CYP27B1: variants seen among roughly 807,000 people sequenced by gnomAD.
CYP27B1 encodes cytochrome P450 family 27 subfamily B member 1.
CYP27B1 carries 46 observed loss-of-function variants against 54.8 expected under a neutral mutation model. The ratio of observed to expected loss-of-function variants is 0.84; its 90% CI spans 0.66 to 1.07. The LOEUF is 1.07. Among genes scored for constraint, CYP27B1 ranks in the 50% least tolerant of loss-of-function variants. The pLI is 0.00. For synonymous variants in CYP27B1, 292 were observed against 297.3 expected (o/e 0.98, Z 0.18); for missense variants, 674 against 692.2 (o/e 0.97, Z 0.30).
rs151335249 is a variant in CYP27B1, at chr12:57,764,457, G to A, written c.1057C>T (p.Pro353Ser). 2.5e-6 allele frequency: 4 copies of A among 1,614,220 alleles called. No homozygotes were observed. Among genetic ancestry groups the A allele is most frequent in the Admixed American group, 3.3e-5 (2 of 60,028 alleles). ...LHSEITAALSPGSSAYPSATV... is the reference protein window; with the variant it reads ...LHSEITAALSSGSSAYPSATV... ...GCTGAGGGGTAGGCACTGGAGCCAG[G>A]GCTCAGGGCAGCTGTGATCTCTGAG... The change falls in exon 6 of 9, where the codon CCT (proline) becomes TCT (serine). Residue 353 changes from proline to serine, a missense_variant. By Grantham distance (74) the Pro-to-Ser change is moderately conservative (BLOSUM62 -1). Transcript: ENST00000228606.
intron 5 of CYP27B1, 91 bp from the exon 6 acceptor site, chr12:57,764,641 AAG>A: frequency 6.3e-7 from 1 of 1,590,962 alleles, no homozygotes; most frequent in Non-Finnish European, 8.6e-7. Flanking sequence ...ACAGGGTGCT[AAG>A]CCAAGCTGGT....
intron 5 of CYP27B1, 96 bp from the exon 6 acceptor site, chr12:57,764,646 A>C: frequency 6.3e-7 from 1 of 1,593,366 alleles, no homozygotes; most frequent in Non-Finnish European, 8.6e-7. Flanking sequence ...GTGCTAAGCC[A>C]AGCTGGTCTA....
Position 57,765,692 on chromosome 12 carries a change from G to A in CYP27B1, c.387-193C>T, listed in dbSNP as rs1402046204. 2.3e-6 allele frequency: 2 copies of A among 858,292 alleles called. No homozygotes were observed. Among genetic ancestry groups the A allele is most frequent in the Admixed American group, 2.0e-5 (1 of 49,312 alleles). The allele number at this position is 858,292 out of a possible 1,614,324, so 53.2% of individuals were successfully genotyped here. On this transcript the variant is annotated intron_variant, in intron 2 of 8. Transcript: ENST00000228606. The surrounding 1 kb of genome is among the most constrained non-coding windows in gnomAD (Gnocchi z 5.8). ...TCTTTACTCATTTCCTGCCCTCAGG[G>A]GCCGGGGTTCCCGGGTAACTTGAGT...
Position 57,766,935 on chromosome 12 carries a change from C to T in CYP27B1, c.107G>A (p.Ser36Asn). 1 of 1,614,224 alleles carries T rather than the reference C, an allele frequency of 6.2e-7. No homozygotes were observed. Among genetic ancestry groups the T allele is most frequent in the Non-Finnish European group, 8.5e-7 (1 of 1,180,040 alleles). Residue 36 changes from serine to asparagine, a missense_variant, in exon 1 of 9, where the codon AGC (serine) becomes AAC (asparagine). Coordinates refer to ENST00000228606, the MANE Select transcript of CYP27B1 (RefSeq NM_000785.4). ...AGAGGGGCCTGGGATGTCTGCCAAG[C>T]TCCGGCGTGCTGAGTGGTACTCTCG... ...GYREYHSARRSLADIPGPSTP... is the reference protein window; with the variant it reads ...GYREYHSARRNLADIPGPSTP...
Position 57,764,539 on chromosome 12 carries a change from C to T in CYP27B1, c.975G>A (p.Thr325=), listed in dbSNP as rs2140396610. 1.2e-6 allele frequency: 2 copies of T among 1,614,030 alleles called. No homozygotes were observed. The highest frequency in any genetic ancestry group is 1.7e-6 in the Non-Finnish European group (2 of 1,180,024). ...LLAGVDTVSN[T]LSWALYELSR... ...AGAGCTCATACAGAGCCCAAGAGAG[C>T]GTGTTGGACACCTGAAAAACATGTG... Residue 325 remains threonine (T), a synonymous_variant, in exon 6 of 9, where the codon ACG becomes ACA. Transcript: ENST00000228606.
Position 57,763,111 on chromosome 12 carries a change from A to T in CYP27B1, c.*31T>A. 1 of 1,466,554 alleles carries T rather than the reference A, an allele frequency of 6.8e-7. No individual in the cohort carries two copies. Among genetic ancestry groups the T allele is most frequent in the South Asian group, 1.1e-5 (1 of 87,608 alleles). The allele number at this position is 1,466,554 out of a possible 1,614,324, so 90.8% of individuals were successfully genotyped here. A position where few individuals can be genotyped will look rare whatever the true frequency, so the allele number is the denominator to read the frequency against. ...AAATCTTATCCCTATGATGAATGAA[A>T]GGGTGATGATGACAGTCTCTTTCCA... On this transcript the variant is annotated 3_prime_UTR_variant, in exon 9 of 9. Coordinates refer to ENST00000228606, the MANE Select transcript of CYP27B1 (RefSeq NM_000785.4).
intron 8 of CYP27B1, 115 bp from the exon 9 acceptor site, chr12:57,763,370 G>A (rs1955333650): frequency 2.2e-6 from 2 of 902,984 alleles, no homozygotes; most frequent in South Asian, 2.8e-5. Context: ...TCAATGATTG[G>A]GTGGCACCTG....
Position 57,764,694 on chromosome 12 carries a change from G to T in CYP27B1, c.963+60C>A, listed in dbSNP as rs187486670. ...GGATCCCCTGCAACAGAAAAATGGA[G>T]CCGGAGTCTGCGGAGGCTAAGCCCT... On this transcript the variant is annotated intron_variant, in intron 5 of 8. Transcript: ENST00000228606. 4 of 1,608,992 alleles carry T rather than the reference G, an allele frequency of 2.5e-6. No homozygotes were observed. The East Asian group carries it at 6.7e-5, about 27-fold the overall frequency.
At chr12:57,763,291 A>T in intron 8 of CYP27B1, 36 bp from the exon 9 acceptor site, 2 of 1,439,252 alleles carry the variant, frequency 1.4e-6, no homozygotes, top group East Asian at 2.3e-5. Flanking sequence ...ACTATGAAAG[A>T]TATCTATAAT....
intron 6 of CYP27B1, 31 bp from the exon 7 acceptor site, chr12:57,764,207 A>G: frequency 6.3e-7 from 1 of 1,591,158 alleles, no homozygotes; most frequent in Non-Finnish European, 8.6e-7. Context: ...TGGAGACAAC[A>G]AGATGAGGCT....
Position 57,763,151 on chromosome 12 carries a change from C to T in CYP27B1, c.1518G>A (p.Leu506=), listed in dbSNP as rs1013882709. 37 of 1,612,058 alleles carry T rather than the reference C, an allele frequency of 2.3e-5. No individual in the cohort carries two copies. Among genetic ancestry groups the T allele is most frequent in the Non-Finnish European group, 3.1e-5 (37 of 1,178,098 alleles). ...VPERSINLQF[L]DR ...GTCTCTTTCCATGGGACTATCTGTC[C>T]AAAAACTGTAGGTTGATGCTCCTTT... The change falls in exon 9 of 9, where the codon TTG becomes TTA. Residue 506 remains leucine (L), a synonymous_variant. Transcript: ENST00000228606.
intron 1 of CYP27B1, 40 bp from the exon 2 acceptor site, chr12:57,766,237 G>T (rs1037609490): frequency 6.7e-7 from 1 of 1,500,008 alleles, no homozygotes; most frequent in South Asian, 1.3e-5. Flanking sequence ...ATACCTGGGC[G>T]GGGACTTTCA....
At position 57,765,046 on chromosome 12, in the gene CYP27B1, C is replaced by A. The variant is rs1955347358; in HGVS notation, c.755G>T (p.Arg252Leu). 6.2e-7 allele frequency: 1 copy of A among 1,613,652 alleles called. No homozygotes were observed. Among genetic ancestry groups the A allele is most frequent in the African/African-American group, 1.3e-5 (1 of 74,954 alleles). Residue 252 changes from arginine (R) to leucine (L), a missense_variant, in exon 4 of 9, where the codon CGC (arginine) becomes CTC (leucine). By Grantham distance (102) the Arg-to-Leu change is moderately radical (BLOSUM62 -2). Coordinates refer to ENST00000228606, the MANE Select transcript of CYP27B1 (RefSeq NM_000785.4). This position sits in a 1 kb window ranked among gnomAD's most constrained non-coding sequence, Gnocchi z 5.8. Reference protein sequence around the residue: ...LRHLVPGPWGRLCRDWDQMFA... With the variant: ...LRHLVPGPWGLLCRDWDQMFA... ...CATCTGGTCCCAGTCTCGGCAGAGG[C>A]GGCCCCAGGGCCCAGGCACAAGGTG...
intron 7 of CYP27B1, 92 bp from the exon 8 acceptor site, chr12:57,763,900 T>C (rs1955337952): frequency 2.3e-6 from 3 of 1,331,188 alleles, no homozygotes; most frequent in Non-Finnish European, 3.2e-6. Flanking sequence ...AGGCAGGTCC[T>C]GGTGGGTGAT....
chr12:57,766,323 A>T lies in CYP27B1; in HGVS notation c.196-126T>A. On this transcript the variant is annotated intron_variant, in intron 1 of 8. Coordinates refer to ENST00000228606, the MANE Select transcript of CYP27B1 (RefSeq NM_000785.4). The stretch of plus-strand genomic sequence containing the variant: ...GCTTCTGCTCTTTCTCGGGTGCCCA[A>T]CTAGTGTATGCCTTTGATACTGCAA... 11 of 1,282,042 alleles carry T rather than the reference A, an allele frequency of 8.6e-6. No individual in the cohort carries two copies. The South Asian group carries it at 1.7e-4, about 20-fold the overall frequency. 79.4% of individuals were successfully genotyped at this position (1,282,042 alleles called of 1,614,324 possible).
chr12:57,764,827 A>G lies in CYP27B1; in HGVS notation c.890T>C (p.Leu297Pro). ...CTGGGCAGGCAACTCTTCCCGGAAC[A>G]GGAAGTGGGTCAGGTGCGCCCCAGA... ...LESGAHLTHF[L>P]FREELPAQSI... Residue 297 changes from leucine (L) to proline (P), a missense_variant, in exon 5 of 9, where the codon CTG becomes CCG. Leu to Pro is a moderately conservative substitution (Grantham distance 98). Coordinates refer to ENST00000228606, the MANE Select transcript of CYP27B1 (RefSeq NM_000785.4). The G allele has an allele frequency of 6.2e-7, 1 of 1,614,158 alleles. No individual in the cohort carries two copies. Among genetic ancestry groups the G allele is most frequent in the Non-Finnish European group, 8.5e-7 (1 of 1,180,024 alleles).
At chr12:57,764,593 C>T (rs184277621) in intron 5 of CYP27B1, 43 bp from the exon 6 acceptor site, 2 of 1,610,130 alleles carry the variant, frequency 1.2e-6, no homozygotes, top group Non-Finnish European at 1.7e-6. Flanking sequence ...GGTGTGAGAA[C>T]CCAGCAGAGG....
In CYP27B1 at chr12:57,765,102, C is replaced by T. The variant is rs1467841861; in HGVS notation, c.699G>A (p.Leu233=). 2.5e-6 allele frequency: 4 copies of T among 1,614,002 alleles called. No homozygotes were observed. The highest frequency in any genetic ancestry group is 2.2e-5 in the South Asian group (2 of 91,086). ...GCCAGTGGGGCATCGCCATGGTCAA[C>T]AGCGTGGACACAAACACCGAGCCCA... ...RAVGSVFVST[L]LTMAMPHWLR... Residue 233 remains leucine, a synonymous_variant, in exon 4 of 9, where the codon CTG becomes CTA. Transcript: ENST00000228606. This position sits in a 1 kb window ranked among gnomAD's most constrained non-coding sequence, Gnocchi z 5.8.
Position 57,764,167 on chromosome 12 carries a change from A to C in CYP27B1, c.1146T>G (p.Pro382=), listed in dbSNP as rs1180932946. 6.2e-7 allele frequency: 1 copy of C among 1,613,522 alleles called. No homozygotes were observed. Among genetic ancestry groups the C allele is most frequent in the African/African-American group, 1.3e-5 (1 of 74,924 alleles). ...AVVKEVLRLY[P]VVPGNSRVPD... ...GGACACGAGAATTTCCAGGTACCAC[A>C]GGGTACAGTCTAGGTTGCAAAGCAC... Residue 382 remains proline (P), a synonymous_variant, in exon 7 of 9, where the codon CCT becomes CCG. Coordinates refer to ENST00000228606, the MANE Select transcript of CYP27B1 (RefSeq NM_000785.4).
Sources: allele counts gnomAD v4.1 joint callset, GRCh38; gene constraint gnomAD v4.1.1; non-coding constraint Gnocchi (gnomAD v3.1); transcripts MANE v1.5; gene names NCBI Gene and HGNC (gene_info 2026-07-23, HGNC 2026-07-21).